The following KMT2B variants were observed in gnomAD, a reference collection of about 807,000 sequenced individuals.
The protein encoded by KMT2B is histone-lysine N-methyltransferase 2B.
In KMT2B, 22 loss-of-function variants were observed where a neutral mutation model predicts 255.3. The ratio of observed to expected loss-of-function variants is 0.09; its 90% CI spans 0.06 to 0.12. KMT2B has a LOEUF of 0.12. Among genes scored for constraint, KMT2B ranks in the 10% least tolerant of loss-of-function variants. The probability of loss-of-function intolerance (pLI) is 1.00; values close to 1 mark genes in which losing one functional copy is unlikely to be tolerated. For synonymous variants in KMT2B, 1,730 were observed against 1,498.1 expected (o/e 1.15, Z -3.57); for missense variants, 3,149 against 3,737.0 (o/e 0.84, Z 4.10).
In KMT2B at chr19:35,731,956, C is replaced by T. The variant is rs16970649; in HGVS notation, c.5486C>T (p.Pro1829Leu). The change falls in exon 27 of 37, where the codon CCT becomes CTT. Residue 1829 changes from proline to leucine, a missense_variant. Physicochemically the swap from Pro to Leu is moderately conservative, Grantham distance 98. Coordinates refer to ENST00000420124, the MANE Select transcript of KMT2B (RefSeq NM_014727.3). ...DPPLDTDVLV[P>L]GAPERHSPIQ... is the part of the protein sequence containing the mutation. ...CCACTGGACACAGATGTTCTTGTCC[C>T]TGGAGCTCCTGAGCGCCACTCGCCC... The T allele has an allele frequency of 0.1, 162,914 of 1,613,626 alleles. 8,840 individuals are homozygous for T. The highest frequency in any genetic ancestry group is 0.11 in the South Asian group (10,242 of 91,070).
chr19:35,720,961 T>C lies in KMT2B; in HGVS notation c.1614T>C (p.Arg538=). 1.8e-5 allele frequency: 29 copies of C among 1,612,146 alleles called. No individual in the cohort carries two copies. Among genetic ancestry groups the C allele is most frequent in the Middle Eastern group, 1.7e-4 (1 of 6,060 alleles). Residue 538 remains arginine, a synonymous_variant, in exon 3 of 37, where the codon CGT becomes CGC. Coordinates refer to ENST00000420124, the MANE Select transcript of KMT2B (RefSeq NM_014727.3). ...CTGTGGTGAGTGCCCGCTCCTCCCG[T>C]GTCATCAAGACACCCCGGCGATTTA... The part of the protein sequence containing the change: ...IMPVVSARSS[R]VIKTPRRFMD...
chr19:35,721,904 C>G, intron 3 of KMT2B, 100 bp downstream of exon 3: 1 of 1,418,858 alleles, frequency 7.0e-7, no homozygotes, highest in Non-Finnish European at 9.2e-7. Flanking sequence ...TCCAGCATTG[C>G]GGGGAACCCT....
Position 35,733,349 on chromosome 19 carries a change from G to A in KMT2B, c.6800G>A (p.Gly2267Glu). 6.5e-7 allele frequency: 1 copy of A among 1,546,602 alleles called. No individual in the cohort carries two copies. Among genetic ancestry groups the A allele is most frequent in the East Asian group, 2.4e-5 (1 of 40,834 alleles). ...PPPLTLVLSS[G>E]PASPPRQAIR... is the part of the protein sequence containing the mutation. ...CCCCTGACGCTGGTGCTGAGCAGTG[G>A]GCCAGCCAGCCCGCCCCGCCAGGCC... The change falls in exon 28 of 37, where the codon GGG (glycine) becomes GAG (glutamate). Residue 2267 changes from glycine to glutamate, a missense_variant. By Grantham distance (98) the Gly-to-Glu change is moderately conservative (BLOSUM62 -2). This residue lies in a region of KMT2B where 897 missense variants were observed against 825.3 expected (regional missense o/e 1.09). Transcript: ENST00000420124. The surrounding 1 kb of genome is among the most constrained non-coding windows in gnomAD (Gnocchi z 4.3).
intron 22 of KMT2B, 149 bp from the exon 23 acceptor site, chr19:35,729,818 G>T: frequency 1.4e-6 from 1 of 690,660 alleles, no homozygotes; most frequent in Non-Finnish European, 2.4e-6. Context: ...GTGTGCACCT[G>T]GGCCTGGATG....
chr19:35,724,825 T>A (rs1969369039), intron 9 of KMT2B, 94 bp downstream of exon 9: 1 of 1,232,076 alleles, frequency 8.1e-7, no homozygotes, highest in African/African-American at 1.5e-5. Flanking sequence ...TGTGTCCACA[T>A]GAGAGGACAG....
In KMT2B at chr19:35,732,398, C is replaced by T. The variant is rs1269731866; in HGVS notation, c.5849C>T (p.Ala1950Val). 1 of 1,613,282 alleles carries T rather than the reference C, an allele frequency of 6.2e-7. No individual in the cohort carries two copies. The highest frequency in any genetic ancestry group is 1.7e-5 in the Admixed American group (1 of 59,942). Residue 1950 changes from alanine to valine, a missense_variant, in exon 28 of 37, where the codon GCC becomes GTC. By Grantham distance (64) the Ala-to-Val change is moderately conservative. Around this residue, in one of 18 missense-constraint regions of KMT2B, gnomAD observed 897 missense variants for 825.3 expected, o/e 1.09. Transcript: ENST00000420124. ...CCCCCTCCTACCTCAGTCGTCACAG[C>T]CCTCACACCTACCTCAGGGGAGCTG... ...RVPPPTSVVT[A>V]LTPTSGELAP...
rs375564425 is a variant in KMT2B, at chr19:35,732,798, G to A, written c.6249G>A (p.Thr2083=). 1.2e-4 allele frequency: 192 copies of A among 1,606,192 alleles called. 2 individuals are homozygous for A. In the East Asian group the frequency reaches 3.3e-3, roughly 27 times the overall value. ...TGCAGCAGCCTCGGGGCCAGGGCAC[G>A]CCTCCTTCGGGGCCAGGAGTAGTCC... ...EAVQQPRGQG[T]PPSGPGVVRA... Residue 2083 remains threonine, a synonymous_variant, in exon 28 of 37, where the codon ACG becomes ACA. Transcript: ENST00000420124.
At chr19:35,736,484 G>T (rs1392395154) in intron 30 of KMT2B, 2 of 607,014 alleles carry the variant, frequency 3.3e-6, no homozygotes, top group Non-Finnish European at 5.7e-6. Context: ...TCCTGCAGAA[G>T]AGGAGCCGCA....
intron 1 of KMT2B, among the ~76,000 whole-genome samples, chr19:35,719,258 C>A (rs1222428499): frequency 6.6e-6 from 1 of 152,176 alleles, no homozygotes; most frequent in African/African-American, 2.4e-5. Context: ...TGGTCCGGCA[C>A]TGGGGATCGG....
chr19:35,725,995 C>T lies in KMT2B; in HGVS notation c.3885+177C>T, dbSNP rs559935437. ...AGGTCAGATTTATATTCAGAATTTG[C>T]ATGGAGTGGTTTTAGGGGCTTATGA... On this transcript the variant is annotated intron_variant, in intron 13 of 36. Coordinates refer to ENST00000420124, the MANE Select transcript of KMT2B (RefSeq NM_014727.3). This position sits in a 1 kb window ranked among gnomAD's most constrained non-coding sequence, Gnocchi z 4.1. Among the ~76,000 whole-genome samples the T allele has an allele frequency of 6.6e-6, 1 of 152,296 alleles. No homozygotes were observed. Among genetic ancestry groups the T allele is most frequent in the African/African-American group, 2.4e-5 (1 of 41,560 alleles).
At chr19:35,736,877 A>AGC in intron 31 of KMT2B, 35 bp from the exon 32 acceptor site, 2 of 1,613,898 alleles carry the variant, frequency 1.2e-6, no homozygotes, top group Non-Finnish European at 1.7e-6. Context: ...ATAAAACACC[A>AGC]TCCTGACTCA....
At chr19:35,722,145 C>T (rs1018734846) in intron 3 of KMT2B, among the ~76,000 whole-genome samples, 7 of 152,002 alleles carry the variant, frequency 4.6e-5, no homozygotes, top group Admixed American at 3.9e-4. Flanking sequence ...GCTGGGACTA[C>T]AGGTGCCCAT....
chr19:35,720,991 T>G lies in KMT2B; in HGVS notation c.1644T>G (p.Asp548Glu). The change falls in exon 3 of 37, where the codon GAT becomes GAG. Residue 548 changes from aspartate (D) to glutamate (E), a missense_variant. Transcript: ENST00000420124. ...TCAAGACACCCCGGCGATTTATGGA[T>G]GAAGACCCCCCCAAACCCCCAAAGG... Reference protein sequence around the residue: ...RVIKTPRRFMDEDPPKPPKVE... With the variant: ...RVIKTPRRFMEEDPPKPPKVE... 1 of 1,611,798 alleles carries G rather than the reference T, an allele frequency of 6.2e-7. No individual in the cohort carries two copies. The highest frequency in any genetic ancestry group is 1.1e-5 in the South Asian group (1 of 90,574).
rs1304275063 is a variant in KMT2B, at chr19:35,737,456, AGGATCGC to A, written c.7551-179_7551-173del. ...CGCCACTTTGGGAGGCCGAGGCAGG[AGGATCGC>A]ATGAGCCCAGGAGTTGGAGACCAGC... is the stretch of plus-strand genomic sequence containing the variant. On this transcript the variant is annotated intron_variant, in intron 33 of 36. Transcript: ENST00000420124. The surrounding 1 kb of genome is among the most constrained non-coding windows in gnomAD (Gnocchi z 5.3). 5.2e-6 allele frequency: 4 copies of A among 768,296 alleles called. No individual in the cohort carries two copies. Among genetic ancestry groups the A allele is most frequent in the Non-Finnish European group, 8.1e-6 (4 of 493,342 alleles). 47.6% of individuals were successfully genotyped at this position (768,296 alleles called of 1,614,324 possible). A position where few individuals can be genotyped will look rare whatever the true frequency, so the allele number is the denominator to read the frequency against.
chr19:35,731,805 C>T, intron 26 of KMT2B, 103 bp from the exon 27 acceptor site: 1 of 891,072 alleles, frequency 1.1e-6, no homozygotes, highest in Non-Finnish European at 1.8e-6. Context: ...GTGACTGGGT[C>T]AGGGTCGGGG....
In KMT2B at chr19:35,737,554, A is replaced by G. The variant is rs886771398; in HGVS notation, c.7551-82A>G. On this transcript the variant is annotated intron_variant, in intron 33 of 36. Transcript: ENST00000420124. The surrounding 1 kb of genome is among the most constrained non-coding windows in gnomAD (Gnocchi z 5.3). ...TAAAAAAGTTATTTCTAGAGCTGAC[A>G]TCAGAAAAATGAACCCCACCCATTT... 1 of 946,726 alleles carries G rather than the reference A, an allele frequency of 1.1e-6. No homozygotes were observed. The highest frequency in any genetic ancestry group is 1.6e-6 in the Non-Finnish European group (1 of 632,820). 58.6% of individuals were successfully genotyped at this position (946,726 alleles called of 1,614,324 possible).
Position 35,733,261 on chromosome 19 carries a change from C to T in KMT2B, c.6712C>T (p.Pro2238Ser). 1 of 1,478,482 alleles carries T rather than the reference C, an allele frequency of 6.8e-7. No homozygotes were observed. Among genetic ancestry groups the T allele is most frequent in the South Asian group, 1.2e-5 (1 of 81,158 alleles). The allele number at this position is 1,478,482 out of a possible 1,614,324, so 91.6% of individuals were successfully genotyped here. ...APTSWTLPPG[P>S]LLGVLPVVGV... ...CACCTCCTGGACTCTGCCCCCAGGC[C>T]CCCTCCTCGGCGTGCTGCCCGTGGT... The change falls in exon 28 of 37, where the codon CCC (proline) becomes TCC (serine). Residue 2238 changes from proline to serine, a missense_variant. Physicochemically the swap from Pro to Ser is moderately conservative, Grantham distance 74 (BLOSUM62 -1). Around this residue, in one of 18 missense-constraint regions of KMT2B, gnomAD observed 897 missense variants for 825.3 expected, o/e 1.09. Transcript: ENST00000420124. This position sits in a 1 kb window ranked among gnomAD's most constrained non-coding sequence, Gnocchi z 4.3.
At position 35,738,622 on chromosome 19, in the gene KMT2B, C is replaced by G; in HGVS notation, c.*65C>G. The G allele has an allele frequency of 6.6e-7, 1 of 1,517,828 alleles. No homozygotes were observed. Among genetic ancestry groups the G allele is most frequent in the Non-Finnish European group, 8.9e-7 (1 of 1,119,128 alleles). The allele number at this position is 1,517,828 out of a possible 1,614,324, so 94.0% of individuals were successfully genotyped here. A position where few individuals can be genotyped will look rare whatever the true frequency, so the allele number is the denominator to read the frequency against. ...GCCGTCGCTGCCATCTTGCCCCTAGCCTGGGGGCTCCCTAGCCCCTCCCAG... is the reference window on the plus strand; with the variant it reads ...GCCGTCGCTGCCATCTTGCCCCTAGGCTGGGGGCTCCCTAGCCCCTCCCAG... On this transcript the variant is annotated 3_prime_UTR_variant, in exon 37 of 37. Transcript: ENST00000420124. This position sits in a 1 kb window ranked among gnomAD's most constrained non-coding sequence, Gnocchi z 8.7.
Position 35,733,584 on chromosome 19 carries a change from C to T in KMT2B, c.6960-13C>T. 2 of 1,564,096 alleles carry T rather than the reference C, an allele frequency of 1.3e-6. No individual in the cohort carries two copies. Among genetic ancestry groups the T allele is most frequent in the Non-Finnish European group, 1.7e-6 (2 of 1,154,476 alleles). ...GGAGATGCGGCTCATCCTTCTCGGG[C>T]TCGCCCTCCCAGGTTTAGCCGTGTG... is the stretch of plus-strand genomic sequence containing the variant. On this transcript the variant is annotated splice_polypyrimidine_tract_variant and intron_variant, in intron 28 of 36. Coordinates refer to ENST00000420124, the MANE Select transcript of KMT2B (RefSeq NM_014727.3). The surrounding 1 kb of genome is among the most constrained non-coding windows in gnomAD (Gnocchi z 4.3).
Sources: allele counts gnomAD v4.1 joint callset (sites outside exome capture counted in the v4.1 genomes callset), GRCh38; gene constraint gnomAD v4.1.1; regional missense constraint gnomAD v4.1.1; non-coding constraint Gnocchi (gnomAD v3.1); transcripts MANE v1.5; gene names NCBI Gene and HGNC (gene_info 2026-07-23, HGNC 2026-07-21).